TACR2: variants seen among roughly 807,000 people sequenced by gnomAD.
The protein encoded by TACR2 is substance-K receptor.
A neutral mutation model predicts 28.9 loss-of-function variants in TACR2; 24 were observed. That is an observed-to-expected ratio of 0.83 (90% CI 0.60 to 1.17). The LOEUF is 1.17. Among genes scored for constraint, TACR2 ranks in the 50% most tolerant of loss-of-function variants. The pLI is 0.00. For missense variants in TACR2, 487 were observed against 524.4 expected (o/e 0.93, Z 0.70); for synonymous variants, 222 against 212.6 (o/e 1.04, Z -0.38).
chr10:69,406,539 G>A (rs1229061844), intron 4 of TACR2, among the ~76,000 whole-genome samples: 3 of 152,196 alleles, frequency 2.0e-5, no homozygotes, highest in African/African-American at 7.2e-5. Flanking sequence ...GGCATGCACT[G>A]TGAGCTTTCC....
intron 2 of TACR2, among the ~76,000 whole-genome samples, chr10:69,409,841 GTATACGTATATGTATATGTATATGTATA>G: frequency 3.3e-5 from 4 of 122,390 alleles, no homozygotes; most frequent in Non-Finnish European, 5.0e-5. Context: ...ATATGTATAC[GTATACGTATATGTATATGTATATGTATA>G]TATATATATA....
At position 69,416,144 on chromosome 10, in the gene TACR2, G is replaced by C. The variant is rs773706675; in HGVS notation, c.180C>G (p.Ala60=). Residue 60 remains alanine (A), a synonymous_variant, in exon 1 of 5, where the codon GCC becomes GCG. Transcript: ENST00000373306. ...GNAIVIWIIL[A]HRRMRTVTNY... ...TGGTGACTGTGCGCATCCTCCGATG[G>C]GCCAGGATGATCCAGATGACGATGG... 6.2e-7 allele frequency: 1 copy of C among 1,614,194 alleles called. No homozygotes were observed. Among genetic ancestry groups the C allele is most frequent in the Non-Finnish European group, 8.5e-7 (1 of 1,180,038 alleles).
intron 2 of TACR2, among the ~76,000 whole-genome samples, chr10:69,410,928 G>A (rs1368239298): frequency 1.3e-5 from 2 of 152,172 alleles, no homozygotes; most frequent in Non-Finnish European, 2.9e-5. Context: ...AGCTCCACCT[G>A]TCTTGTGGCC....
chr10:69,406,481 C>T (rs1840503347), intron 4 of TACR2, among the ~76,000 whole-genome samples: 1 of 152,156 alleles, frequency 6.6e-6, no homozygotes, highest in Non-Finnish European at 1.5e-5. Context: ...TCCTGGCTGT[C>T]TCTGACAGGG....
chr10:69,416,445 G>C lies in TACR2; in HGVS notation c.-122C>G, dbSNP rs200741405. On this transcript the variant is annotated 5_prime_UTR_variant, in exon 1 of 5. Coordinates refer to ENST00000373306, the MANE Select transcript of TACR2 (RefSeq NM_001057.3). ...GCAGGGAGAGGAGCAGATGCCAAGC[G>C]TGGTGGCACATCAGGAGAGCCTGGG... 22 of 1,383,106 alleles carry C rather than the reference G, an allele frequency of 1.6e-5. No individual in the cohort carries two copies. The highest frequency in any genetic ancestry group is 2.6e-4 in the Middle Eastern group (1 of 3,822). The allele number at this position is 1,383,106 out of a possible 1,614,324, so 85.7% of individuals were successfully genotyped here.
In TACR2 at chr10:69,415,816, A is replaced by G. The variant is rs12265500; in HGVS notation, c.392+116T>C. On this transcript the variant is annotated intron_variant, in intron 1 of 4. Transcript: ENST00000373306. ...TTTTGGACCATGACCAGATTTGGGA[A>G]GCCATTCCCATGGTTCTACCCAAAC... 11,752 of 1,254,670 alleles carry G rather than the reference A, an allele frequency of 9.4e-3. 301 individuals carry two copies. Among genetic ancestry groups the G allele is most frequent in the African/African-American group, 0.072 (4,785 of 66,774 alleles). 77.7% of individuals were successfully genotyped at this position (1,254,670 alleles called of 1,614,324 possible).
rs142415572 is a variant in TACR2, at chr10:69,407,271, T to C, written c.751A>G (p.Thr251Ala). 3.2e-3 allele frequency: 5,203 copies of C among 1,611,244 alleles called. 149 individuals are homozygous for C. In the African/African-American group the frequency reaches 0.062, roughly 19 times the overall value. Residue 251 changes from threonine (T) to alanine (A), a missense_variant, in exon 4 of 5, where the codon ACC (threonine) becomes GCC (alanine). Transcript: ENST00000373306. ...AACGTCAGCACCACCAGCACCATGG[T>C]CTTCACAAACTGGTCCAGGAGAGGC... The part of the protein sequence containing the change: ...HLQAMKKFVK[T>A]MVLVVLTFAI...
At position 69,408,875 on chromosome 10, in the gene TACR2, GCCCCCTCCAGGCCCCGCCCCCTCCAGGC is replaced by G; in HGVS notation, c.741+19_741+46del. The G allele has an allele frequency of 5.8e-5, 2 of 34,642 alleles. No individual in the cohort carries two copies. Among genetic ancestry groups the G allele is most frequent in the South Asian group, 1.8e-3 (1 of 562 alleles). 2.1% of individuals were successfully genotyped at this position (34,642 alleles called of 1,614,324 possible). On this transcript the variant is annotated intron_variant, in intron 3 of 4. Coordinates refer to ENST00000373306, the MANE Select transcript of TACR2 (RefSeq NM_001057.3). ...GAGGCCTCGCCCCCGCCAGCCCCCCGCCCCCTCCAGGCCCCGCCCCCTCCAGGCCCCCGCCCCCGCGCCCACCTTCTTC... is the reference window on the plus strand; with the variant it reads ...GAGGCCTCGCCCCCGCCAGCCCCCCGCCCCGCCCCCGCGCCCACCTTCTTC...
At position 69,415,034 on chromosome 10, in the gene TACR2, C is replaced by T. The variant is rs1195185611; in HGVS notation, c.498G>A (p.Gln166=). The T allele has an allele frequency of 5.6e-6, 9 of 1,613,820 alleles. No individual in the cohort carries two copies. The highest frequency in any genetic ancestry group is 3.3e-5 in the Admixed American group (2 of 60,012). The change falls in exon 2 of 5, where the codon CAG becomes CAA. Residue 166 remains glutamine (Q), a synonymous_variant. Transcript: ENST00000373306. Reference sequence around the variant, plus strand: ...CCATGGTGACGGTGGAGTAGAAGCACTGAGGGGAGGCCAGGGCGAGAGCCA... The same window carrying T: ...CCATGGTGACGGTGGAGTAGAAGCATTGAGGGGAGGCCAGGGCGAGAGCCA... ...WLVALALASP[Q]CFYSTVTMDQ... is the part of the protein sequence containing the mutation.
chr10:69,407,015 A>C (rs1316641617), intron 4 of TACR2, 69 bp downstream of exon 4: 12 of 1,519,170 alleles, frequency 7.9e-6, no homozygotes, highest in Non-Finnish European at 1.1e-5. Context: ...TGAGCTGTGC[A>C]GGGGAGCCCA....
chr10:69,406,735 C>T (rs575678625), intron 4 of TACR2, among the ~76,000 whole-genome samples: 25 of 152,346 alleles, frequency 1.6e-4, no homozygotes, highest in East Asian at 1.2e-3. Context: ...CTGTCCCACC[C>T]CCTCTCTGTG....
At position 69,404,202 on chromosome 10, in the gene TACR2, C is replaced by G. The variant is rs200749998; in HGVS notation, c.*624G>C. 5.3e-5 allele frequency: 8 copies of G among 152,232 alleles called. No homozygotes were observed. The highest frequency in any genetic ancestry group is 5.2e-4 in the Admixed American group (8 of 15,280). 9.4% of individuals were successfully genotyped at this position (152,232 alleles called of 1,614,324 possible). On this transcript the variant is annotated 3_prime_UTR_variant, in exon 5 of 5. Coordinates refer to ENST00000373306, the MANE Select transcript of TACR2 (RefSeq NM_001057.3). Reference sequence around the variant, plus strand: ...TTAGATAAATATCAGCTTACACTGTCTTTTCTGACCCTTACTGGATCCTCT... The same window carrying G: ...TTAGATAAATATCAGCTTACACTGTGTTTTCTGACCCTTACTGGATCCTCT...
intron 4 of TACR2, among the ~76,000 whole-genome samples, chr10:69,405,477 A>G (rs1840494128): frequency 6.6e-6 from 1 of 152,172 alleles, no homozygotes; most frequent in South Asian, 2.1e-4. Context: ...CTAAAACACA[A>G]TGGAGGCTTT....
At chr10:69,409,654 G>T (rs1840543377) in intron 2 of TACR2, among the ~76,000 whole-genome samples, 1 of 151,556 alleles carries the variant, frequency 6.6e-6, no homozygotes, top group Non-Finnish European at 1.5e-5. Flanking sequence ...TGTTATACTT[G>T]TTCTGTTTTA....
intron 2 of TACR2, among the ~76,000 whole-genome samples, chr10:69,412,846 T>C (rs1272463208): frequency 6.6e-6 from 1 of 152,166 alleles, no homozygotes; most frequent in African/African-American, 2.4e-5. Context: ...TTTGTTTTGT[T>C]TTGAGACGGA....
chr10:69,414,345 A>G (rs1840593677), intron 2 of TACR2, among the ~76,000 whole-genome samples: 1 of 152,182 alleles, frequency 6.6e-6, no homozygotes, highest in Admixed American at 6.5e-5. Context: ...ACGCCTACAC[A>G]TGTCCCTAAC....
At chr10:69,408,720 TC>T (rs1840527710) in intron 3 of TACR2, among the ~76,000 whole-genome samples, 1 of 152,098 alleles carries the variant, frequency 6.6e-6, no homozygotes, top group Non-Finnish European at 1.5e-5. Context: ...CGCAAGCTTC[TC>T]CCGGGCGCCC....
Position 69,404,864 on chromosome 10 carries a change from C to T in TACR2, c.1159G>A (p.Gly387Ser). The T allele has an allele frequency of 1.3e-6, 2 of 1,585,164 alleles. No homozygotes were observed. Among genetic ancestry groups the T allele is most frequent in the South Asian group, 2.3e-5 (2 of 88,310 alleles). ...TGAGTTTTGGTGGGGGCAAGCAAAC[C>T]ATACCCAAACCATAGCCCTGATCCA... ...QDGSGLWFGY[G>S]LLAPTKTHVE... Residue 387 changes from glycine to serine, a missense_variant, in exon 5 of 5, where the codon GGT becomes AGT. Transcript: ENST00000373306.
chr10:69,409,546 A>T (rs1549800), intron 2 of TACR2, among the ~76,000 whole-genome samples: 88,974 of 151,772 alleles, frequency 0.59, 27,027 homozygotes, highest in African/African-American at 0.72. Context: ...GGGTTTCAGT[A>T]ACCCCTCCCA....
Sources: allele counts gnomAD v4.1 joint callset (sites outside exome capture counted in the v4.1 genomes callset), GRCh38; gene constraint gnomAD v4.1.1; transcripts MANE v1.5; gene names NCBI Gene and HGNC (gene_info 2026-07-23, HGNC 2026-07-21).